MAPK6: variants seen among roughly 807,000 people sequenced by gnomAD.
The protein encoded by MAPK6 is mitogen-activated protein kinase 6, also known as ERK-3.
A neutral mutation model predicts 59.3 loss-of-function variants in MAPK6; 19 were observed. The ratio of observed to expected loss-of-function variants is 0.32; its 90% CI spans 0.22 to 0.47. The LOEUF (loss-of-function observed/expected upper bound fraction) is 0.47, where lower values mean the gene tolerates loss of function less well. Ranked by LOEUF, MAPK6 falls within the 20% of genes least tolerant of loss-of-function variation. The probability of loss-of-function intolerance (pLI) is 1.00; values close to 1 mark genes in which losing one functional copy is unlikely to be tolerated. For synonymous variants in MAPK6, 316 were observed against 290.3 expected (o/e 1.09, Z -0.90); for missense variants, 724 against 847.9 (o/e 0.85, Z 1.81).
intron 1 of MAPK6, among the ~76,000 whole-genome samples, chr15:51,981,301 G>A (rs1441371025): frequency 2.0e-5 from 3 of 151,604 alleles, no homozygotes; most frequent in Admixed American, 6.6e-5. Context: ...GTGAAACCCC[G>A]TCTCTACTAA....
chr15:51,984,544 C>T (rs2057184920), intron 2 of MAPK6, among the ~76,000 whole-genome samples: 1 of 144,424 alleles, frequency 6.9e-6, no homozygotes, highest in Non-Finnish European at 1.5e-5. Context: ...ACCTCGTGAT[C>T]CGCCCGCCTC....
intron 1 of MAPK6, among the ~76,000 whole-genome samples, chr15:52,035,091 C>G (rs2031191571): frequency 6.6e-6 from 1 of 152,236 alleles, no homozygotes; most frequent in Non-Finnish European, 1.5e-5. Context: ...CTGGGAAATT[C>G]TCTTTGCTTT....
At chr15:52,006,686 C>A (rs930793159) in intron 3 of MAPK6, among the ~76,000 whole-genome samples, 3 of 152,200 alleles carry the variant, frequency 2.0e-5, no homozygotes, top group South Asian at 2.1e-4. Flanking sequence ...AGGGGCCAAT[C>A]AACCCTGGTA....
intron 5 of MAPK6, among the ~76,000 whole-genome samples, chr15:52,062,862 C>T (rs1029430420): frequency 4.0e-5 from 6 of 148,470 alleles, no homozygotes; most frequent in African/African-American, 1.6e-4. Flanking sequence ...TTTGATGCTT[C>T]AGAGTAGGAT....
intron 3 of MAPK6, among the ~76,000 whole-genome samples, chr15:52,050,582 CAAGAT>C (rs2031745500): frequency 6.6e-6 from 1 of 152,062 alleles, no homozygotes; most frequent in Admixed American, 6.5e-5. Context: ...AGGACTTTGT[CAAGAT>C]GAGATGAGTA....
At chr15:52,054,641 G>GA (rs2141106712) in intron 3 of MAPK6, among the ~76,000 whole-genome samples, 1 of 150,662 alleles carries the variant, frequency 6.6e-6, no homozygotes, top group Non-Finnish European at 1.5e-5. Flanking sequence ...CCTTTAAAGG[G>GA]AGGAGTATCA....
At chr15:52,012,038 G>C (rs1280634276) in intron 3 of MAPK6, among the ~76,000 whole-genome samples, 1 of 152,066 alleles carries the variant, frequency 6.6e-6, no homozygotes, top group Non-Finnish European at 1.5e-5. Context: ...CACTTCACCA[G>C]GGAAGTCCTG....
intron 4 of MAPK6, among the ~76,000 whole-genome samples, chr15:52,059,543 C>T (rs1464714308): frequency 6.6e-6 from 1 of 152,236 alleles, no homozygotes; most frequent in Non-Finnish European, 1.5e-5. Flanking sequence ...CAGGTGAAGA[C>T]ACTGTGTGCA....
At chr15:52,016,025 C>T (rs2030229903), upstream of MAPK6, among the ~76,000 whole-genome samples, 1 of 146,420 alleles carries the variant, frequency 6.8e-6, no homozygotes, top group Non-Finnish European at 1.5e-5. Flanking sequence ...CACTGCACTC[C>T]AGCCTGGGCC....
At chr15:52,060,164 A>G in intron 4 of MAPK6, among the ~76,000 whole-genome samples, 1 of 152,208 alleles carries the variant, frequency 6.6e-6, no homozygotes, top group Non-Finnish European at 1.5e-5. Flanking sequence ...CCTTGAGCCC[A>G]GGAGTTCAAG....
At chr15:52,042,561 G>C (rs537364696) in intron 1 of MAPK6, among the ~76,000 whole-genome samples, 44 of 151,114 alleles carry the variant, frequency 2.9e-4, no homozygotes, top group Non-Finnish European at 5.3e-4. Flanking sequence ...ATGTGGATGG[G>C]GGTCTTGAGT....
intron 3 of MAPK6, among the ~76,000 whole-genome samples, chr15:52,055,312 T>C (rs1000664014): frequency 5.3e-4 from 80 of 152,162 alleles, no homozygotes; most frequent in African/African-American, 1.9e-3. Flanking sequence ...GGGGCTCAGG[T>C]GGGAGGATTG....
chr15:52,001,121 G>A (rs536304868), intron 2 of MAPK6, among the ~76,000 whole-genome samples: 2 of 152,140 alleles, frequency 1.3e-5, no homozygotes, highest in South Asian at 4.2e-4. Flanking sequence ...ATGGGGTTAC[G>A]GCCCTTATGA....
chr15:52,003,097 G>T (rs140507572), intron 2 of MAPK6, among the ~76,000 whole-genome samples: 1,702 of 152,166 alleles, frequency 0.011, 21 homozygotes, highest in Non-Finnish European at 0.02. Context: ...TGAGGCAGGA[G>T]AATTGCTTGA....
At position 52,032,187 on chromosome 15, in the gene MAPK6, T is replaced by A. The variant is rs1235197014; in HGVS notation, c.-632+12811T>A. 1.3e-3 allele frequency among the ~76,000 whole-genome samples: 145 copies of A among 109,482 alleles called. 1 individual carries two copies. The highest frequency in any genetic ancestry group is 2.2e-3 in the Non-Finnish European group (122 of 56,152). 71.8% of individuals were successfully genotyped at this position (109,482 alleles called of 152,430 possible). On this transcript the variant is annotated intron_variant, in intron 1 of 5. Transcript: ENST00000261845. ...CCGTGCCCAGCCCAACAATTTTTAA[T>A]TTTTTTTTTTTTTTTTTTTTTTGAG... is the stretch of plus-strand genomic sequence containing the variant.
At chr15:51,983,594 G>A (rs1290455064) in intron 2 of MAPK6, among the ~76,000 whole-genome samples, 1 of 151,992 alleles carries the variant, frequency 6.6e-6, no homozygotes, top group African/African-American at 2.4e-5. Flanking sequence ...TGGATTGCTT[G>A]AGCCCAGCAG....
chr15:52,011,284 T>C (rs1192880622), intron 3 of MAPK6: 1 of 152,226 alleles, frequency 6.6e-6, no homozygotes, highest in African/African-American at 2.4e-5. Flanking sequence ...GGACTCAAAC[T>C]CCTGGGCTCA....
rs1470617149 is a variant in MAPK6, at chr15:52,065,159, A to G, written c.*159A>G. 1 of 638,302 alleles carries G rather than the reference A, an allele frequency of 1.6e-6. No homozygotes were observed. Among genetic ancestry groups the G allele is most frequent in the Non-Finnish European group, 2.5e-6 (1 of 406,454 alleles). 39.5% of individuals were successfully genotyped at this position (638,302 alleles called of 1,614,324 possible). ...TAAAATCCAGACTTTCTTTTTCTAC[A>G]TGTGAGATAGTTTTCATTTTAACTG... is the stretch of plus-strand genomic sequence containing the variant. On this transcript the variant is annotated 3_prime_UTR_variant, in exon 6 of 6. Coordinates refer to ENST00000261845, the MANE Select transcript of MAPK6 (RefSeq NM_002748.4).
chr15:52,039,778 A>G (rs547594985), intron 1 of MAPK6, among the ~76,000 whole-genome samples: 2 of 152,030 alleles, frequency 1.3e-5, no homozygotes, highest in East Asian at 3.9e-4. Context: ...TGGACTCCCA[A>G]AGTGCTAGGA....
Sources: allele counts gnomAD v4.1 joint callset (sites outside exome capture counted in the v4.1 genomes callset), GRCh38; gene constraint gnomAD v4.1.1; transcripts MANE v1.5; gene names NCBI Gene and HGNC (gene_info 2026-07-23, HGNC 2026-07-21).